SH2D1B: variants seen among roughly 807,000 people sequenced by gnomAD.
The protein encoded by SH2D1B is SH2 domain containing 1B, also known as SH2 domain-containing protein 1B.
In SH2D1B, 11 loss-of-function variants were observed where a neutral mutation model predicts 16.3. The ratio of observed to expected loss-of-function variants is 0.67; its 90% CI spans 0.42 to 1.11. The LOEUF (loss-of-function observed/expected upper bound fraction) is 1.11. SH2D1B is among the 50% of genes most tolerant of loss of function. The pLI is 0.00. For synonymous variants in SH2D1B, 55 were observed against 56.1 expected (o/e 0.98, Z 0.09); for missense variants, 123 against 153.1 (o/e 0.80, Z 1.04).
intron 2 of SH2D1B, 130 bp from the exon 3 acceptor site, chr1:162,399,217 C>T (rs1158308872): frequency 6.5e-6 from 5 of 775,192 alleles, no homozygotes; most frequent in Non-Finnish European, 1.0e-5. Flanking sequence ...GTGGCTGGAG[C>T]TCACACCACT....
chr1:162,411,545 A>G (rs1254765232), intron 1 of SH2D1B, among the ~76,000 whole-genome samples: 1 of 152,146 alleles, frequency 6.6e-6, no homozygotes, highest in Non-Finnish European at 1.5e-5. Flanking sequence ...TTCCATACCA[A>G]ATAAACAGAT....
intron 1 of SH2D1B, among the ~76,000 whole-genome samples, chr1:162,407,230 G>A (rs1648673148): frequency 6.6e-6 from 1 of 152,192 alleles, no homozygotes; most frequent in African/African-American, 2.4e-5. Flanking sequence ...AAGAAATAAA[G>A]GGAAAGAGTA....
chr1:162,396,959 G>T lies in SH2D1B; in HGVS notation c.*321C>A. On this transcript the variant is annotated 3_prime_UTR_variant, in exon 4 of 4. Coordinates refer to ENST00000367929, the MANE Select transcript of SH2D1B (RefSeq NM_053282.5). ...TCTGTATAAAGCTGCCCCTCTGACTGCATGGTCCAAAGGAGGGTGTCAACC... is the reference window on the plus strand; with the variant it reads ...TCTGTATAAAGCTGCCCCTCTGACTTCATGGTCCAAAGGAGGGTGTCAACC... 1 of 277,432 alleles carries T rather than the reference G, an allele frequency of 3.6e-6. No individual in the cohort carries two copies. The highest frequency in any genetic ancestry group is 4.8e-5 in the South Asian group (1 of 20,790). The allele number at this position is 277,432 out of a possible 1,614,324, so 17.2% of individuals were successfully genotyped here.
chr1:162,400,776 C>T (rs911296319), intron 2 of SH2D1B, among the ~76,000 whole-genome samples: 25 of 151,972 alleles, frequency 1.6e-4, no homozygotes, highest in Admixed American at 1.2e-3. Context: ...GGCAAAACTC[C>T]GTCTCTACTA....
intron 1 of SH2D1B, among the ~76,000 whole-genome samples, chr1:162,403,701 TACACACACACACACACACACACAC>T (rs57093863): frequency 4.5e-5 from 6 of 132,260 alleles, no homozygotes; most frequent in African/African-American, 1.2e-4. Flanking sequence ...TGAAGAAAGT[TACACACACACACACACACACACAC>T]ACACACACAC....
chr1:162,407,133 C>G (rs191300589), intron 1 of SH2D1B, among the ~76,000 whole-genome samples: 1 of 152,202 alleles, frequency 6.6e-6, no homozygotes, highest in South Asian at 2.1e-4. Context: ...ATATTTAGCT[C>G]TGTGAAAGTC....
rs938532840 is a variant in SH2D1B at position 162,401,616 on chromosome 1, C to G, written c.198+1123G>C. On this transcript the variant is annotated intron_variant, in intron 2 of 3. Transcript: ENST00000367929. The stretch of plus-strand genomic sequence containing the variant: ...AAAGTAAGGATATTACATAACCATA[C>G]TACAATGATTAAAATCAGGAAATTA... 2.0e-5 allele frequency among the ~76,000 whole-genome samples: 3 copies of G among 152,046 alleles called. No homozygotes were observed. In the South Asian group the frequency reaches 6.2e-4, roughly 32 times the overall value.
At chr1:162,403,508 AAAAATATATATATATATATAT>A (rs1473072734) in intron 1 of SH2D1B, among the ~76,000 whole-genome samples, 11 of 20,348 alleles carry the variant, frequency 5.4e-4, no homozygotes, top group Non-Finnish European at 1.1e-3. Flanking sequence ...AAAAAAAAAA[AAAAATATATATATATATATAT>A]ATATATATAT....
chr1:162,411,913 G>A lies in SH2D1B; in HGVS notation c.104C>T (p.Ser35Leu), dbSNP rs757971425. Residue 35 changes from serine (S) to leucine (L), a missense_variant, in exon 1 of 4, where the codon TCG becomes TTG. Physicochemically the swap from Ser to Leu is moderately radical, Grantham distance 145. Coordinates refer to ENST00000367929, the MANE Select transcript of SH2D1B (RefSeq NM_053282.5). ...DGNFLLRDSE[S>L]IPGVLCLCVS... ...ACAGAGGCACAGGACTCCTGGTATC[G>A]ACTCGCTGTCTCTTAAAAGAAAGTT... 14 of 1,614,096 alleles carry A rather than the reference G, an allele frequency of 8.7e-6. No homozygotes were observed. Among genetic ancestry groups the A allele is most frequent in the South Asian group, 4.4e-5 (4 of 91,078 alleles).
At chr1:162,407,858 G>A (rs530606409) in intron 1 of SH2D1B, among the ~76,000 whole-genome samples, 1 of 152,132 alleles carries the variant, frequency 6.6e-6, no homozygotes, top group Non-Finnish European at 1.5e-5. Flanking sequence ...ATTGCCAGTA[G>A]TATTTATCAC....
intron 1 of SH2D1B, among the ~76,000 whole-genome samples, chr1:162,404,834 T>G (rs1338238882): frequency 2.0e-5 from 3 of 152,230 alleles, no homozygotes. Flanking sequence ...TCAGAACTCA[T>G]GTAATGCCCA....
intron 1 of SH2D1B, among the ~76,000 whole-genome samples, chr1:162,411,533 T>A (rs889128152): frequency 5.9e-5 from 9 of 152,328 alleles, no homozygotes; most frequent in Admixed American, 5.9e-4. Context: ...ACCCCTAGCC[T>A]TTTCCATACC....
At chr1:162,397,864 A>G (rs164123) in intron 3 of SH2D1B, among the ~76,000 whole-genome samples, 26,339 of 152,218 alleles carry the variant, frequency 0.17, 2,532 homozygotes, top group Middle Eastern at 0.31. Flanking sequence ...GCACAGATAC[A>G]TTCCTGGGTT....
intron 1 of SH2D1B, among the ~76,000 whole-genome samples, chr1:162,410,800 G>A (rs547981015): frequency 1.2e-4 from 18 of 151,908 alleles, no homozygotes; most frequent in Middle Eastern, 3.4e-3. Flanking sequence ...GGGATTACAA[G>A]CATACGCCAC....
Position 162,399,047 on chromosome 1 carries a change from T to G in SH2D1B, c.239A>C (p.Lys80Thr). The G allele has an allele frequency of 6.2e-7, 1 of 1,614,042 alleles. No individual in the cohort carries two copies. Among genetic ancestry groups the G allele is most frequent in the East Asian group, 2.2e-5 (1 of 44,878 alleles). Residue 80 changes from lysine to threonine, a missense_variant, in exon 3 of 4, where the codon AAG becomes ACG. By Grantham distance (78) the Lys-to-Thr change is moderately conservative (BLOSUM62 -1). Transcript: ENST00000367929. ...TTTTTCAAATTTGGAGATCAGTTCC[T>G]TTAGGCTTGGAAAGACCTGTTTTGG... ...GSPKQVFPSL[K>T]ELISKFEKPN...
Position 162,395,570 on chromosome 1 carries a change from G to A in SH2D1B, c.*1710C>T, listed in dbSNP as rs1266132724. The A allele has an allele frequency of 3.9e-5, 6 of 152,080 alleles. No homozygotes were observed. The highest frequency in any genetic ancestry group is 5.9e-5 in the Non-Finnish European group (4 of 67,998). The allele number at this position is 152,080 out of a possible 1,614,324, so 9.4% of individuals were successfully genotyped here. On this transcript the variant is annotated 3_prime_UTR_variant, in exon 4 of 4. Transcript: ENST00000367929. ...CAATGGGTAAACATAAAAAATAAAT[G>A]AGCATAGGTATTGCAAGGAAAGAGA...
intron 2 of SH2D1B, 78 bp from the exon 3 acceptor site, chr1:162,399,165 T>C: frequency 7.2e-7 from 1 of 1,395,566 alleles, no homozygotes; most frequent in Non-Finnish European, 9.8e-7. Flanking sequence ...AAGCAGTGGG[T>C]TTTCAGGGCT....
At chr1:162,411,806 T>A in intron 1 of SH2D1B, 77 bp downstream of exon 1, 1 of 1,583,752 alleles carries the variant, frequency 6.3e-7, no homozygotes, top group African/African-American at 1.3e-5. Flanking sequence ...CTGAGGGATA[T>A]GAATTCCTGT....
intron 3 of SH2D1B, among the ~76,000 whole-genome samples, chr1:162,398,357 G>A (rs1463135372): frequency 6.6e-6 from 1 of 152,212 alleles, no homozygotes; most frequent in African/African-American, 2.4e-5. Flanking sequence ...TTTACTGAGA[G>A]CAGATTTCAA....
Sources: allele counts gnomAD v4.1 joint callset (sites outside exome capture counted in the v4.1 genomes callset), GRCh38; gene constraint gnomAD v4.1.1; transcripts MANE v1.5; gene names NCBI Gene and HGNC (gene_info 2026-07-23, HGNC 2026-07-21).